Variants in LRRC4C observed in about 807,000 individuals in gnomAD.
LRRC4C encodes leucine-rich repeat-containing protein 4C.
Under a neutral mutation model 33.6 loss-of-function variants are expected in LRRC4C, and 5 were observed. The observed-to-expected ratio is 0.15, with a 90% CI of 0.08 to 0.31. LRRC4C has a LOEUF of 0.31. LRRC4C is among the 10% of genes least tolerant of loss of function. The probability of loss-of-function intolerance (pLI) is 1.00; values close to 1 mark genes in which losing one functional copy is unlikely to be tolerated. For synonymous variants in LRRC4C, 329 were observed against 302.0 expected, an observed-to-expected ratio of 1.09 and a Z score of -0.93; for missense variants, 560 against 796.7, an observed-to-expected ratio of 0.70 and a Z score of 3.58.
intron 1 of LRRC4C, among the ~76,000 whole-genome samples, chr11:41,099,345 G>T (rs1368147482): frequency 6.7e-6 from 1 of 149,730 alleles, no homozygotes. Context: ...TACGAGGCCA[G>T]CATCATCCTG....
chr11:41,121,205 C>G (rs1401016929), intron 1 of LRRC4C, among the ~76,000 whole-genome samples: 1 of 152,004 alleles, frequency 6.6e-6, no homozygotes, highest in Non-Finnish European at 1.5e-5. Context: ...TTTTGGAGTA[C>G]CATCTATTTC....
chr11:40,860,191 A>G (rs10837512), intron 2 of LRRC4C, among the ~76,000 whole-genome samples: 98,607 of 152,086 alleles, frequency 0.65, 37,064 homozygotes, highest in East Asian at 0.85. Context: ...CACATTGTGT[A>G]GTTCCATTTG....
intron 1 of LRRC4C, among the ~76,000 whole-genome samples, chr11:41,014,028 G>A (rs1855404910): frequency 6.6e-6 from 1 of 152,086 alleles, no homozygotes; most frequent in Non-Finnish European, 1.5e-5. Flanking sequence ...CCAACACTGG[G>A]GATTACAACT....
At chr11:40,911,020 G>A (rs948811088) in intron 2 of LRRC4C, among the ~76,000 whole-genome samples, 8 of 152,216 alleles carry the variant, frequency 5.3e-5, no homozygotes, top group Admixed American at 2.0e-4. Flanking sequence ...CCATTGCCGA[G>A]ACTTGAGTAG....
chr11:40,341,625 C>T (rs1946871260), intron 3 of LRRC4C, among the ~76,000 whole-genome samples: 1 of 152,054 alleles, frequency 6.6e-6, no homozygotes. Context: ...CAACATGGCA[C>T]ATGTATACAT....
chr11:40,544,076 C>A (rs1385941759), intron 3 of LRRC4C, among the ~76,000 whole-genome samples: 1 of 151,990 alleles, frequency 6.6e-6, no homozygotes, highest in Non-Finnish European at 1.5e-5. Flanking sequence ...CAAACTTTGC[C>A]ATACTATCTT....
chr11:40,638,287 G>A (rs1462489465), intron 3 of LRRC4C, among the ~76,000 whole-genome samples: 1 of 152,134 alleles, frequency 6.6e-6, no homozygotes, highest in Non-Finnish European at 1.5e-5. Context: ...TATCTCCAAA[G>A]CCAAGAATAG....
Position 40,551,732 on chromosome 11 carries a change from C to T in LRRC4C, c.-270+96410G>A, listed in dbSNP as rs529203722. Among the ~76,000 whole-genome samples, 4 of 152,254 alleles carry T rather than the reference C, an allele frequency of 2.6e-5. No homozygotes were observed. In the East Asian group the frequency reaches 7.7e-4, roughly 29 times the overall value. On this transcript the variant is annotated intron_variant, in intron 3 of 6. Coordinates refer to ENST00000528697, the MANE Select transcript of LRRC4C (RefSeq NM_001258419.2). ...TTCATCTGGTAGAATATAAGTTCCA[C>T]AAATTGTACGTCTTGTATTGTTAAC...
intron 3 of LRRC4C, among the ~76,000 whole-genome samples, chr11:40,396,076 T>C (rs1949527266): frequency 6.6e-6 from 1 of 152,108 alleles, no homozygotes; most frequent in Non-Finnish European, 1.5e-5. Flanking sequence ...GGGATGTGGA[T>C]GCAATGCCAT....
At chr11:41,272,341 T>C (rs796768385) in intron 1 of LRRC4C, among the ~76,000 whole-genome samples, 9 of 152,146 alleles carry the variant, frequency 5.9e-5, no homozygotes, top group African/African-American at 2.2e-4. Context: ...TTAATTAGCA[T>C]TGTGGGTGTC....
At chr11:40,746,564 C>A (rs981151669) in intron 2 of LRRC4C, among the ~76,000 whole-genome samples, 2 of 152,168 alleles carry the variant, frequency 1.3e-5, no homozygotes, top group Non-Finnish European at 2.9e-5. Flanking sequence ...TGCCCCTAAC[C>A]TGAGCATTCT....
chr11:40,187,445 T>C (rs1432625885), intron 5 of LRRC4C, among the ~76,000 whole-genome samples: 6 of 152,024 alleles, frequency 3.9e-5, no homozygotes, highest in African/African-American at 1.5e-4. Flanking sequence ...AGAAGGCCTG[T>C]TGCAATTCCT....
At chr11:41,161,348 G>A (rs957808064) in intron 1 of LRRC4C, among the ~76,000 whole-genome samples, 2 of 152,128 alleles carry the variant, frequency 1.3e-5, no homozygotes, top group African/African-American at 4.8e-5. Context: ...CTGTTTTCCT[G>A]AGTAATGCTA....
chr11:41,344,174 C>A (rs1951726094), intron 1 of LRRC4C, among the ~76,000 whole-genome samples: 1 of 152,032 alleles, frequency 6.6e-6, no homozygotes, highest in Admixed American at 6.6e-5. Context: ...GCTTCCAGAG[C>A]CCAGTGATTT....
intron 1 of LRRC4C, among the ~76,000 whole-genome samples, chr11:41,438,334 A>G (rs925304385): frequency 1.3e-5 from 2 of 152,148 alleles, no homozygotes; most frequent in Non-Finnish European, 2.9e-5. Flanking sequence ...AAAGTCTTAC[A>G]TTCTAATGAT....
chr11:41,096,440 G>A (rs1434927428), intron 1 of LRRC4C, among the ~76,000 whole-genome samples: 1 of 152,166 alleles, frequency 6.6e-6, no homozygotes, highest in Non-Finnish European at 1.5e-5. Flanking sequence ...CAGGAGACCA[G>A]TCATCAGTCA....
At chr11:40,877,110 CGTT>C (rs1489276091) in intron 2 of LRRC4C, among the ~76,000 whole-genome samples, 2 of 144,066 alleles carry the variant, frequency 1.4e-5, no homozygotes, top group Admixed American at 7.4e-5. Flanking sequence ...TCCTGTAAAA[CGTT>C]GTTAAGTTCA....
chr11:40,387,276 G>A (rs922217967), intron 3 of LRRC4C, among the ~76,000 whole-genome samples: 1 of 151,772 alleles, frequency 6.6e-6, no homozygotes, highest in Non-Finnish European at 1.5e-5. Context: ...GATTTGAATG[G>A]GTTACCACTC....
intron 3 of LRRC4C, among the ~76,000 whole-genome samples, chr11:40,488,820 A>T (rs1422359339): frequency 2.6e-5 from 4 of 152,064 alleles, no homozygotes; most frequent in Non-Finnish European, 4.4e-5. Flanking sequence ...CTATCAGCTC[A>T]TCCTCACCTC....
Sources: gnomAD v4.1 joint callset for allele counts (sites outside exome capture counted in the v4.1 genomes callset) on GRCh38, gnomAD v4.1.1 for gene constraint, MANE v1.5 for transcripts, NCBI Gene and HGNC (gene_info 2026-07-23, HGNC 2026-07-21) for gene names.